NUDT7: variants seen among roughly 807,000 people sequenced by gnomAD.
NUDT7 encodes the protein nudix hydrolase 7.
Under a neutral mutation model 13.1 loss-of-function variants are expected in NUDT7, and 19 were observed. That is an observed-to-expected ratio of 1.45 (90% CI 1.01 to 2.13). NUDT7 has a LOEUF of 2.13. Among genes scored for constraint, NUDT7 ranks in the 30% most tolerant of loss-of-function variants. The pLI, the probability that NUDT7 is intolerant of heterozygous loss-of-function variation, is 0.00. For missense variants in NUDT7, 360 were observed against 291.7 expected (o/e 1.23, Z -1.71); for synonymous variants, 132 against 109.7 (o/e 1.20, Z -1.27).
intron 3 of NUDT7, chr16:77,736,683 C>T: frequency 3.5e-6 from 1 of 286,026 alleles, no homozygotes; most frequent in South Asian, 3.1e-5. Flanking sequence ...TGAGGCTGGT[C>T]TCGAGCTCCT....
Position 77,742,182 on chromosome 16 carries a change from A to C in NUDT7, c.*232A>C. ...TGCATATTTTCACCCACAATATGTT[A>C]ATAATATTTTTCTTACACATATAAT... On this transcript the variant is annotated 3_prime_UTR_variant, in exon 4 of 4. Coordinates refer to ENST00000268533, the MANE Select transcript of NUDT7 (RefSeq NM_001105663.3). 1 of 1,105,416 alleles carries C rather than the reference A, an allele frequency of 9.0e-7. No individual in the cohort carries two copies. The highest frequency in any genetic ancestry group is 1.1e-6 in the Non-Finnish European group (1 of 873,506). 68.5% of individuals were successfully genotyped at this position (1,105,416 alleles called of 1,614,324 possible). A position where few individuals can be genotyped will look rare whatever the true frequency, so the allele number is the denominator to read the frequency against.
At chr16:77,726,537 A>ACC (rs2014142261) in intron 2 of NUDT7, among the ~76,000 whole-genome samples, 2 of 151,854 alleles carry the variant, frequency 1.3e-5, no homozygotes, top group Non-Finnish European at 2.9e-5. Context: ...TGGCTCAAGC[A>ACC]TGTAATCCCA....
At chr16:77,734,517 G>C (rs906412385) in intron 2 of NUDT7, among the ~76,000 whole-genome samples, 1 of 152,144 alleles carries the variant, frequency 6.6e-6, no homozygotes, top group Admixed American at 6.5e-5. Flanking sequence ...CAGCTACTCA[G>C]GAAGCTGAGG....
In NUDT7 at chr16:77,742,048, G is replaced by A. The variant is rs896265828; in HGVS notation, c.*98G>A. 1.0e-5 allele frequency: 15 copies of A among 1,484,080 alleles called. 1 individual carries two copies. In the African/African-American group the frequency reaches 2.0e-4, roughly 19 times the overall value. 91.9% of individuals were successfully genotyped at this position (1,484,080 alleles called of 1,614,324 possible). A position where few individuals can be genotyped will look rare whatever the true frequency, so the allele number is the denominator to read the frequency against. ...CCAGCTGTTGGAATTTGACAGGTGT[G>A]AATATTTTTTCTGCAGTATGTAGTT... On this transcript the variant is annotated 3_prime_UTR_variant, in exon 4 of 4. Transcript: ENST00000268533.
At chr16:77,727,643 T>G (rs2014180561) in intron 2 of NUDT7, among the ~76,000 whole-genome samples, 1 of 152,150 alleles carries the variant, frequency 6.6e-6, no homozygotes, top group Non-Finnish European at 1.5e-5. Context: ...TCACCTGAGG[T>G]CAGGAGTTCG....
At chr16:77,722,948 G>C (rs2014007766) in intron 1 of NUDT7, among the ~76,000 whole-genome samples, 1 of 152,156 alleles carries the variant, frequency 6.6e-6, no homozygotes. Context: ...AGGCAGCCCC[G>C]GATTCAAGTC....
intron 2 of NUDT7, among the ~76,000 whole-genome samples, chr16:77,734,595 G>T (rs8058461): frequency 6.6e-6 from 1 of 151,996 alleles, no homozygotes; most frequent in African/African-American, 2.4e-5. Context: ...GCACTCCAGC[G>T]TGGGACACAG....
intron 2 of NUDT7, among the ~76,000 whole-genome samples, chr16:77,727,901 A>T (rs1376290707): frequency 1.3e-5 from 2 of 152,032 alleles, no homozygotes; most frequent in Non-Finnish European, 2.9e-5. Context: ...ATAAAAGAGA[A>T]TTGTCTAACA....
At chr16:77,731,727 G>A (rs1290510214) in intron 2 of NUDT7, among the ~76,000 whole-genome samples, 1 of 152,136 alleles carries the variant, frequency 6.6e-6, no homozygotes, top group Non-Finnish European at 1.5e-5. Flanking sequence ...GGAGATGAGA[G>A]CTCCATGTAT....
chr16:77,739,249 A>C (rs1028513207), intron 3 of NUDT7, among the ~76,000 whole-genome samples: 2 of 152,220 alleles, frequency 1.3e-5, no homozygotes, highest in East Asian at 3.9e-4. Flanking sequence ...AAGAATGGCT[A>C]TTCCATAACA....
chr16:77,729,657 C>G (rs1167959740), intron 2 of NUDT7, among the ~76,000 whole-genome samples: 2 of 152,102 alleles, frequency 1.3e-5, no homozygotes, highest in African/African-American at 4.8e-5. Flanking sequence ...GAAACCCCAT[C>G]TCTACTAAAA....
At chr16:77,740,682 G>C (rs554794159) in intron 3 of NUDT7, among the ~76,000 whole-genome samples, 3 of 152,114 alleles carry the variant, frequency 2.0e-5, no homozygotes, top group Middle Eastern at 3.4e-3. Context: ...TGAGTAGCTG[G>C]GATTACAGGC....
intron 2 of NUDT7, chr16:77,735,500 G>A: frequency 1.7e-6 from 1 of 596,922 alleles, no homozygotes; most frequent in Non-Finnish European, 3.0e-6. Flanking sequence ...TGTACGGCCT[G>A]CGAGACTGTG....
At chr16:77,726,190 G>T (rs1187009574) in intron 2 of NUDT7, among the ~76,000 whole-genome samples, 1 of 152,222 alleles carries the variant, frequency 6.6e-6, no homozygotes, top group Non-Finnish European at 1.5e-5. Context: ...CTTGCCAGCT[G>T]TGACTTTGGC....
intron 1 of NUDT7, among the ~76,000 whole-genome samples, chr16:77,723,185 T>G (rs1344578956): frequency 6.6e-6 from 1 of 152,210 alleles, no homozygotes; most frequent in Non-Finnish European, 1.5e-5. Context: ...TGCAGCCTTT[T>G]ACTTTGGCTG....
At chr16:77,722,729 C>G (rs1322111734) in intron 1 of NUDT7, 112 bp downstream of exon 1, 24 of 988,488 alleles carry the variant, frequency 2.4e-5, no homozygotes, top group Non-Finnish European at 3.6e-5. Context: ...CCCGCCAGTC[C>G]ACCTGCGAGC....
At chr16:77,739,446 A>G (rs971575992) in intron 3 of NUDT7, among the ~76,000 whole-genome samples, 3 of 152,166 alleles carry the variant, frequency 2.0e-5, no homozygotes, top group African/African-American at 7.2e-5. Flanking sequence ...GTAATCTGTC[A>G]TGGCACTAGT....
intron 2 of NUDT7, 156 bp downstream of exon 2, chr16:77,725,740 G>A (rs1390350124): frequency 3.3e-6 from 2 of 612,336 alleles, no homozygotes; most frequent in Admixed American, 3.2e-5. Flanking sequence ...AGGATAACAT[G>A]GTGTTTCTTG....
At chr16:77,741,375 T>C (rs1469873524) in intron 3 of NUDT7, 1 of 523,764 alleles carries the variant, frequency 1.9e-6, no homozygotes, top group Non-Finnish European at 3.3e-6. Flanking sequence ...AGAAATCATT[T>C]TCAGAGTCAT....
Sources: gnomAD v4.1 joint callset for allele counts (sites outside exome capture counted in the v4.1 genomes callset) on GRCh38, gnomAD v4.1.1 for gene constraint, MANE v1.5 for transcripts, NCBI Gene and HGNC (gene_info 2026-07-23, HGNC 2026-07-21) for gene names.